The following CUX1 variants were observed in gnomAD, a reference collection of about 807,000 sequenced individuals.
The protein encoded by CUX1 is cut like homeobox 1.
In CUX1, 31 loss-of-function variants were observed where a neutral mutation model predicts 158.8. The observed-to-expected ratio is 0.20, with a 90% CI of 0.15 to 0.26. CUX1 has a LOEUF of 0.26. Ranked by LOEUF, CUX1 falls within the 10% of genes least tolerant of loss-of-function variation. The pLI is 1.00. For missense variants in CUX1, 1,589 were observed against 2,014.6 expected (o/e 0.79, Z 4.04); for synonymous variants, 879 against 862.1 (o/e 1.02, Z -0.34).
intron 1 of CUX1, among the ~76,000 whole-genome samples, chr7:101,861,847 C>A (rs894773198): frequency 5.3e-5 from 8 of 151,826 alleles, no homozygotes; most frequent in Non-Finnish European, 1.5e-5. Flanking sequence ...TTACTGCAAC[C>A]TCCACCTCCC....
chr7:102,135,804 A>G (rs1306608318), intron 8 of CUX1, among the ~76,000 whole-genome samples: 2 of 151,934 alleles, frequency 1.3e-5, no homozygotes, highest in Non-Finnish European at 2.9e-5. Flanking sequence ...GTGTAAACCC[A>G]TCTCTACTCT....
chr7:101,916,292 G>A lies in CUX1; in HGVS notation c.141+67G>A, dbSNP rs1804196755. 9 of 1,003,708 alleles carry A rather than the reference G, an allele frequency of 9.0e-6. No homozygotes were observed. In the East Asian group the frequency reaches 1.5e-4, roughly 16 times the overall value. 62.2% of individuals were successfully genotyped at this position (1,003,708 alleles called of 1,614,324 possible). The stretch of plus-strand genomic sequence containing the variant: ...GAATGCTGGTGCATGTTCAGGCGAC[G>A]CTCCGTGAGCGTTTCATTTTCATCA... On this transcript the variant is annotated intron_variant, in intron 2 of 23. Transcript: ENST00000292535. The surrounding 1 kb of genome is among the most constrained non-coding windows in gnomAD (Gnocchi z 4.4).
At chr7:102,004,753 C>T (rs1817120967) in intron 2 of CUX1, among the ~76,000 whole-genome samples, 1 of 151,982 alleles carries the variant, frequency 6.6e-6, no homozygotes, top group African/African-American at 2.4e-5. Flanking sequence ...CAGCCATCCT[C>T]ACAGGGCCAC....
chr7:102,183,384 A>T (rs1554514539), intron 11 of CUX1, among the ~76,000 whole-genome samples: 3 of 151,206 alleles, frequency 2.0e-5, no homozygotes. Flanking sequence ...GCTACCTGGG[A>T]GGCTGGGGAG....
At chr7:102,112,239 TCTC>T (rs1554490354) in intron 7 of CUX1, among the ~76,000 whole-genome samples, 28 of 130,422 alleles carry the variant, frequency 2.1e-4, no homozygotes, top group African/African-American at 8.1e-4. Context: ...TCTTTCTCTC[TCTC>T]TTTTTTTTTT....
Position 102,202,079 on chromosome 7 carries a change from C to A in CUX1, c.2782C>A (p.Pro928Thr), listed in dbSNP as rs1795510022. The A allele has an allele frequency of 6.2e-7, 1 of 1,614,108 alleles. No individual in the cohort carries two copies. The highest frequency in any genetic ancestry group is 8.5e-7 in the Non-Finnish European group (1 of 1,180,006). ...PMSKPTKPSVPPLTPEQYEVY... is the reference protein window; with the variant it reads ...PMSKPTKPSVTPLTPEQYEVY... ...GTCCAAGCCCACCAAGCCCTCGGTC[C>A]CCCCGCTGACCCCCGAGCAGTACGA... Residue 928 changes from proline to threonine, a missense_variant, in exon 18 of 24, where the codon CCC becomes ACC. Physicochemically the swap from Pro to Thr is conservative, Grantham distance 38 (BLOSUM62 -1). This residue lies in a region of CUX1 where 337 missense variants were observed against 409.3 expected (regional missense o/e 0.82). Transcript: ENST00000292535.
chr7:102,104,606 T>C, intron 6 of CUX1, 147 bp downstream of exon 6: 1 of 1,158,594 alleles, frequency 8.6e-7, no homozygotes, highest in Non-Finnish European at 1.2e-6. Flanking sequence ...AAAAATGATA[T>C]TCTGGCTGGG....
At chr7:101,960,649 A>G (rs1169356487) in intron 2 of CUX1, 1 of 152,180 alleles carries the variant, frequency 6.6e-6, no homozygotes, top group African/African-American at 2.4e-5. Flanking sequence ...TCAAAAAAGC[A>G]AATTCTCAAA....
rs3810770 is a variant in CUX1, at chr7:102,173,790, G to C, written c.828+3240G>C. On this transcript the variant is annotated intron_variant, in intron 10 of 23. Coordinates refer to ENST00000292535, the MANE Select transcript of CUX1 (RefSeq NM_181552.4). ...AGGGGCGCTTAAACACTTCATCATC[G>C]GTTAAGTGCCGTGTTTACATGGCAC... Among the ~76,000 whole-genome samples the C allele has an allele frequency of 1.4e-4, 22 of 152,228 alleles. No homozygotes were observed. The East Asian group carries it at 4.3e-3, about 29-fold the overall frequency.
chr7:102,093,217 C>T (rs1399425966), intron 4 of CUX1, among the ~76,000 whole-genome samples: 5 of 103,382 alleles, frequency 4.8e-5, no homozygotes, highest in Non-Finnish European at 7.7e-5. Context: ...GAGTGAGACC[C>T]TATCTCTTTA....
chr7:101,915,756 T>C (rs1474948120), intron 1 of CUX1, among the ~76,000 whole-genome samples: 1 of 152,122 alleles, frequency 6.6e-6, no homozygotes, highest in African/African-American at 2.4e-5. Flanking sequence ...GTGGAGCAAC[T>C]TGGGGAGGCG....
At chr7:102,275,217 C>T (rs782745050) in intron 16 of CUX1, 4 of 1,536,656 alleles carry the variant, frequency 2.6e-6, no homozygotes, top group Middle Eastern at 1.7e-4. Context: ...CCTCCTGCCA[C>T]CCCCCAAGCC....
At chr7:102,026,703 C>T (rs1224988417) in intron 2 of CUX1, among the ~76,000 whole-genome samples, 1 of 151,522 alleles carries the variant, frequency 6.6e-6, no homozygotes, top group East Asian at 1.9e-4. Flanking sequence ...ACCTGTAGTC[C>T]CAGCTACTCA....
chr7:102,052,326 C>T (rs1468950409), intron 3 of CUX1, among the ~76,000 whole-genome samples: 1 of 152,144 alleles, frequency 6.6e-6, no homozygotes, highest in African/African-American at 2.4e-5. Flanking sequence ...GGCCATTCCC[C>T]CCATGTCTCT....
intron 20 of CUX1, among the ~76,000 whole-genome samples, chr7:102,207,409 A>T (rs551294959): frequency 6.6e-6 from 1 of 152,282 alleles, no homozygotes; most frequent in Non-Finnish European, 1.5e-5. Flanking sequence ...AATCGTGGTG[A>T]CTAGGGAGAA....
At chr7:102,206,709 C>T (rs1443840846) in intron 20 of CUX1, among the ~76,000 whole-genome samples, 1 of 152,108 alleles carries the variant, frequency 6.6e-6, no homozygotes, top group Non-Finnish European at 1.5e-5. Context: ...CCAGCCTGGC[C>T]AACGTGGTGA....
At chr7:102,156,700 G>A (rs565756890) in intron 8 of CUX1, among the ~76,000 whole-genome samples, 22 of 152,290 alleles carry the variant, frequency 1.4e-4, no homozygotes, top group African/African-American at 5.3e-4. Context: ...GGTTTCGGAA[G>A]GATAGAACTC....
At chr7:102,068,108 T>C (rs1825748109) in intron 3 of CUX1, among the ~76,000 whole-genome samples, 1 of 151,886 alleles carries the variant, frequency 6.6e-6, no homozygotes, top group African/African-American at 2.4e-5. Context: ...GTTGTTTAAT[T>C]TGAGACATGG....
intron 3 of CUX1, among the ~76,000 whole-genome samples, 169 bp downstream of exon 3, chr7:102,028,314 T>A (rs140452876): frequency 6.6e-6 from 1 of 152,230 alleles, no homozygotes; most frequent in Non-Finnish European, 1.5e-5. Context: ...TGATTTTCCA[T>A]TGGGTCCTTG....
Sources: allele counts gnomAD v4.1 joint callset (sites outside exome capture counted in the v4.1 genomes callset), GRCh38; gene constraint gnomAD v4.1.1; regional missense constraint gnomAD v4.1.1; non-coding constraint Gnocchi (gnomAD v3.1); transcripts MANE v1.5; gene names NCBI Gene and HGNC (gene_info 2026-07-23, HGNC 2026-07-21).